BRD7: variants seen among roughly 807,000 people sequenced by gnomAD.
BRD7 encodes the protein bromodomain containing 7, also known as bromodomain-containing protein 7.
Under a neutral mutation model 82.1 loss-of-function variants are expected in BRD7, and 15 were observed. The observed-to-expected ratio is 0.18, with a 90% CI of 0.12 to 0.28. The LOEUF (loss-of-function observed/expected upper bound fraction) is 0.28. Among genes scored for constraint, BRD7 ranks in the 10% least tolerant of loss-of-function variants. BRD7 has a pLI of 1.00. For missense variants in BRD7, 638 were observed against 779.9 expected, an observed-to-expected ratio of 0.82 and a Z score of 2.17; for synonymous variants, 232 against 266.9, an observed-to-expected ratio of 0.87 and a Z score of 1.27.
intron 11 of BRD7, among the ~76,000 whole-genome samples, chr16:50,324,754 T>C (rs953497003): frequency 2.6e-5 from 4 of 152,382 alleles, no homozygotes; most frequent in Middle Eastern, 3.4e-3. Context: ...TCTGCTGCTT[T>C]ACCTTTCTCC....
chr16:50,320,752 C>G lies in BRD7; in HGVS notation c.1523G>C (p.Gly508Ala). ...GTCTTGAGTACTGGAGTCCAAACGC[C>G]CTGGTGGCTCTACTTCTGTAATCTG... The part of the protein sequence containing the change: ...EMEITEVEPP[G>A]RLDSSTQDRL... The change falls in exon 14 of 17, where the codon GGG (glycine) becomes GCG (alanine). Residue 508 changes from glycine (G) to alanine (A), a missense_variant. Gly to Ala is a moderately conservative substitution (Grantham distance 60, BLOSUM62 0). Coordinates refer to ENST00000394688, the MANE Select transcript of BRD7 (RefSeq NM_013263.5). 6.2e-7 allele frequency: 1 copy of G among 1,614,006 alleles called. No homozygotes were observed. The highest frequency in any genetic ancestry group is 8.5e-7 in the Non-Finnish European group (1 of 1,179,890).
chr16:50,356,926 T>C (rs541973375), intron 2 of BRD7, among the ~76,000 whole-genome samples: 4 of 152,334 alleles, frequency 2.6e-5, no homozygotes, highest in South Asian at 4.1e-4. Context: ...CAGGATCTTA[T>C]GGACTCAAAA....
At chr16:50,362,770 C>T (rs185105930) in intron 2 of BRD7, among the ~76,000 whole-genome samples, 72 of 152,018 alleles carry the variant, frequency 4.7e-4, no homozygotes, top group South Asian at 2.1e-4. Context: ...ATGGTGGTTG[C>T]CAAGGTCTGA....
At chr16:50,356,722 AAAT>A (rs139025903) in intron 2 of BRD7, among the ~76,000 whole-genome samples, 14 of 145,380 alleles carry the variant, frequency 9.6e-5, no homozygotes, top group East Asian at 4.7e-4. Flanking sequence ...GGGAAAAAAA[AAAT>A]ATATATATAT....
Position 50,334,801 on chromosome 16 carries a change from C to A in BRD7, c.797G>T (p.Gly266Val). Residue 266 changes from glycine (G) to valine (V), a missense_variant, in exon 7 of 17, where the codon GGG (glycine) becomes GTG (valine). Transcript: ENST00000394688. The stretch of plus-strand genomic sequence containing the variant: ...TCTCTGCCAGCAGCCTCCGTCCTCC[C>A]CACTCTGTGAGGTGTCTGTTCCATC... ...QKDGTDTSQS[G>V]EDGGCWQRER... The A allele has an allele frequency of 6.2e-7, 1 of 1,614,098 alleles. No homozygotes were observed. The highest frequency in any genetic ancestry group is 1.1e-5 in the South Asian group (1 of 91,078).
rs769621117 is a variant in BRD7, at chr16:50,323,663, G to T, written c.1367C>A (p.Pro456Gln). 2 of 1,613,744 alleles carry T rather than the reference G, an allele frequency of 1.2e-6. No homozygotes were observed. Among genetic ancestry groups the T allele is most frequent in the Non-Finnish European group, 1.7e-6 (2 of 1,179,750 alleles). ...CAGTAAACTATCTGCCATGACATAC[G>T]GATAATCTTGGCACGTGGCCAAAAA... ...HEFLATCQDY[P>Q]YVMADSLLDV... is the part of the protein sequence containing the mutation. Residue 456 changes from proline to glutamine, a missense_variant, in exon 12 of 17, where the codon CCG becomes CAG. By Grantham distance (76) the Pro-to-Gln change is moderately conservative. Around this residue, in one of 3 missense-constraint regions of BRD7, gnomAD observed 402 missense variants for 500.8 expected, o/e 0.80. Transcript: ENST00000394688.
intron 4 of BRD7, among the ~76,000 whole-genome samples, chr16:50,353,247 T>C (rs1444251601): frequency 2.0e-5 from 3 of 152,098 alleles, no homozygotes; most frequent in Admixed American, 6.5e-5. Flanking sequence ...TATTTTTTTG[T>C]AGAGATGGGG....
chr16:50,349,388 AT>A (rs972514117), intron 5 of BRD7: 96 of 348,944 alleles, frequency 2.8e-4, no homozygotes, highest in African/African-American at 1.9e-3. Flanking sequence ...TAGAACTTAA[AT>A]TAAAAAAAAA....
intron 6 of BRD7, among the ~76,000 whole-genome samples, 199 bp from the exon 7 acceptor site, chr16:50,335,094 C>G (rs909056901): frequency 9.2e-5 from 14 of 152,228 alleles, no homozygotes; most frequent in African/African-American, 3.4e-4. Context: ...AATTTAATTT[C>G]CAACTTCATA....
intron 7 of BRD7, among the ~76,000 whole-genome samples, chr16:50,334,362 G>C (rs2037701754): frequency 6.6e-6 from 1 of 152,182 alleles, no homozygotes; most frequent in Non-Finnish European, 1.5e-5. Flanking sequence ...TGAACTCCTT[G>C]CTCCTTTATG....
Position 50,319,973 on chromosome 16 carries a change from A to G in BRD7, c.1814T>C (p.Ile605Thr). Reference sequence around the variant, plus strand: ...TTTTCGAACTCCATACGTGCTTACGATATCACCTGGAGTTACTTGCTGTGC... The same window carrying G: ...TTTTCGAACTCCATACGTGCTTACGGTATCACCTGGAGTTACTTGCTGTGC... The part of the protein sequence containing the change: ...ELAQQVTPGD[I>T]VSTYGVRKAM... Residue 605 changes from isoleucine to threonine, a missense_variant, in exon 16 of 17, where the codon ATC becomes ACC. Ile to Thr is a moderately conservative substitution (Grantham distance 89). Around this residue, in one of 3 missense-constraint regions of BRD7, gnomAD observed 402 missense variants for 500.8 expected, o/e 0.80. Coordinates refer to ENST00000394688, the MANE Select transcript of BRD7 (RefSeq NM_013263.5). The G allele has an allele frequency of 6.2e-7, 1 of 1,613,580 alleles. No homozygotes were observed. The highest frequency in any genetic ancestry group is 8.5e-7 in the Non-Finnish European group (1 of 1,179,944).
intron 8 of BRD7, among the ~76,000 whole-genome samples, chr16:50,332,578 TG>T (rs1157770130): frequency 6.6e-6 from 1 of 152,198 alleles, no homozygotes; most frequent in African/African-American, 2.4e-5. Flanking sequence ...GAAAGCAGTT[TG>T]GAGATTTCCC....
intron 4 of BRD7, among the ~76,000 whole-genome samples, chr16:50,352,400 T>C (rs1184784366): frequency 1.3e-5 from 2 of 152,240 alleles, no homozygotes; most frequent in African/African-American, 4.8e-5. Context: ...GGTGGAATAA[T>C]ACTCCATTGT....
chr16:50,345,673 G>C (rs977066629), intron 5 of BRD7, among the ~76,000 whole-genome samples: 2 of 151,920 alleles, frequency 1.3e-5, no homozygotes, highest in Admixed American at 1.3e-4. Context: ...AGACAAAGAA[G>C]GCCATTACAT....
At chr16:50,341,786 A>G (rs561546118) in intron 5 of BRD7, among the ~76,000 whole-genome samples, 1 of 151,972 alleles carries the variant, frequency 6.6e-6, no homozygotes, top group East Asian at 1.9e-4. Context: ...TGGCAAGAGT[A>G]CTGAATTGTT....
Position 50,326,634 on chromosome 16 carries a change from T to C in BRD7, c.1088-243A>G, listed in dbSNP as rs371401971. ...TGCTTCCTGGAATTCTTTATAATCA[T>C]GTACACTTCACTTAAAAAATTAATT... On this transcript the variant is annotated intron_variant, in intron 9 of 16. Transcript: ENST00000394688. Among the ~76,000 whole-genome samples, 35 of 152,360 alleles carry C rather than the reference T, an allele frequency of 2.3e-4. 1 individual carries two copies. In the South Asian group the frequency reaches 5.6e-3, roughly 24 times the overall value.
At chr16:50,333,735 A>C in intron 7 of BRD7, 38 bp from the exon 8 acceptor site, 2 of 1,389,564 alleles carry the variant, frequency 1.4e-6, no homozygotes, top group Non-Finnish European at 2.0e-6. Flanking sequence ...AAAAAAAACA[A>C]AGATAAGTAA....
chr16:50,362,421 G>C (rs1186874848), intron 2 of BRD7, among the ~76,000 whole-genome samples: 1 of 152,214 alleles, frequency 6.6e-6, no homozygotes, highest in Non-Finnish European at 1.5e-5. Flanking sequence ...AGAGGAGATA[G>C]TATGATCCAG....
intron 5 of BRD7, among the ~76,000 whole-genome samples, chr16:50,342,726 G>A (rs113334219): frequency 3.8e-4 from 58 of 152,094 alleles, no homozygotes; most frequent in East Asian, 1.7e-3. Context: ...TGGCCATAAA[G>A]ACACTATCTT....
Sources: allele counts gnomAD v4.1 joint callset (sites outside exome capture counted in the v4.1 genomes callset), GRCh38; gene constraint gnomAD v4.1.1; regional missense constraint gnomAD v4.1.1; transcripts MANE v1.5; gene names NCBI Gene and HGNC (gene_info 2026-07-23, HGNC 2026-07-21).